Variants in DIS3L2 observed in about 807,000 individuals in gnomAD.
DIS3L2 encodes DIS3 like 3'-5' exoribonuclease 2, also known as DIS3-like exonuclease 2.
Under a neutral mutation model 97.5 loss-of-function variants are expected in DIS3L2, and 34 were observed. That is an observed-to-expected ratio of 0.35 (90% CI 0.27 to 0.46). DIS3L2 has a LOEUF of 0.46. Ranked by LOEUF, DIS3L2 falls within the 20% of genes least tolerant of loss-of-function variation. DIS3L2 has a pLI of 1.00. For synonymous variants in DIS3L2, 435 were observed against 445.2 expected (o/e 0.98, Z 0.29); for missense variants, 1,038 against 1,146.0 (o/e 0.91, Z 1.36).
At chr2:232,232,579 A>G (rs1692824386) in intron 10 of DIS3L2, among the ~76,000 whole-genome samples, 1 of 152,178 alleles carries the variant, frequency 6.6e-6, no homozygotes, top group African/African-American at 2.4e-5. Flanking sequence ...TTAGGCAAGC[A>G]TGGGTATCAC....
chr2:232,103,715 T>C (rs1456363318), intron 6 of DIS3L2, among the ~76,000 whole-genome samples: 1 of 152,194 alleles, frequency 6.6e-6, no homozygotes, highest in Non-Finnish European at 1.5e-5. Context: ...TTGGAATAGT[T>C]ACAATAGCGT....
chr2:232,166,451 G>A (rs568693076), intron 9 of DIS3L2, among the ~76,000 whole-genome samples: 10 of 152,218 alleles, frequency 6.6e-5, no homozygotes, highest in South Asian at 4.1e-4. Context: ...TGGGCCGGGC[G>A]CCGTGGCTCA....
intron 1 of DIS3L2, among the ~76,000 whole-genome samples, chr2:231,979,682 A>G (rs998853385): frequency 3.3e-5 from 5 of 151,694 alleles, no homozygotes; most frequent in Non-Finnish European, 7.4e-5. Flanking sequence ...GGTTCAAGCG[A>G]TTCTCCTGCC....
At chr2:232,329,785 T>TGCCGGGGGGAG in intron 14 of DIS3L2, 28 bp from the exon 15 acceptor site, 1 of 967,144 alleles carries the variant, frequency 1.0e-6, no homozygotes, top group Non-Finnish European at 1.5e-6. Context: ...ACCCCAGCGG[T>TGCCGGGGGGAG]CCCTCCCATC....
downstream of DIS3L2, chr2:232,339,751 A>G (rs1454855776): frequency 6.6e-6 from 3 of 455,554 alleles, no homozygotes; most frequent in Admixed American, 7.1e-5. Context: ...GGGCCTGCCC[A>G]GCAGTGCCTT....
chr2:232,250,677 AAAGT>A (rs1247214799), intron 12 of DIS3L2, among the ~76,000 whole-genome samples: 1 of 152,178 alleles, frequency 6.6e-6, no homozygotes, highest in Non-Finnish European at 1.5e-5. Flanking sequence ...TAGACAGGGT[AAAGT>A]AAGAGGTGTC....
chr2:232,014,685 G>GT, intron 1 of DIS3L2, 150 bp from the exon 2 acceptor site: 1 of 420,204 alleles, frequency 2.4e-6, no homozygotes, highest in Non-Finnish European at 4.2e-6. Flanking sequence ...GAGACAGATG[G>GT]TGTGCTTGAC....
downstream of DIS3L2, among the ~76,000 whole-genome samples, chr2:232,340,519 C>G (rs2106360951): frequency 6.6e-6 from 1 of 152,276 alleles, no homozygotes; most frequent in African/African-American, 2.4e-5. Flanking sequence ...AATGAACGGT[C>G]TCTGGGCCAG....
chr2:232,194,159 C>A (rs1376786937), intron 9 of DIS3L2, among the ~76,000 whole-genome samples: 2 of 151,900 alleles, frequency 1.3e-5, no homozygotes, highest in African/African-American at 4.8e-5. Flanking sequence ...TATTTGTTAT[C>A]TCTACTATAT....
chr2:232,022,181 C>T (rs949949085), intron 3 of DIS3L2, among the ~76,000 whole-genome samples: 1 of 152,140 alleles, frequency 6.6e-6, no homozygotes, highest in Non-Finnish European at 1.5e-5. Context: ...TGGTCTGCTG[C>T]GGAGCTCTGT....
chr2:231,989,690 G>A (rs765119936), intron 1 of DIS3L2, among the ~76,000 whole-genome samples: 73 of 152,186 alleles, frequency 4.8e-4, no homozygotes, highest in Admixed American at 2.6e-3. Flanking sequence ...GAAAAAATTA[G>A]TGGGGTGTGG....
chr2:232,221,880 A>G (rs563043374), intron 10 of DIS3L2, among the ~76,000 whole-genome samples: 1 of 152,270 alleles, frequency 6.6e-6, no homozygotes, highest in East Asian at 1.9e-4. Context: ...TGACATCTTC[A>G]TGATGCCCAG....
chr2:232,248,341 G>GT (rs1214720432), intron 11 of DIS3L2, among the ~76,000 whole-genome samples: 1 of 152,182 alleles, frequency 6.6e-6, no homozygotes, highest in Admixed American at 6.5e-5. Flanking sequence ...TAAATGGCTA[G>GT]TACTGCTGAT....
chr2:232,008,135 C>G (rs1694102205), intron 1 of DIS3L2, among the ~76,000 whole-genome samples: 1 of 151,780 alleles, frequency 6.6e-6, no homozygotes, highest in Non-Finnish European at 1.5e-5. Context: ...ACCTCAGCCA[C>G]CAGAGTAGCT....
intron 5 of DIS3L2, among the ~76,000 whole-genome samples, chr2:232,083,141 A>G (rs1220662836): frequency 2.6e-5 from 4 of 152,058 alleles, no homozygotes; most frequent in Non-Finnish European, 4.4e-5. Flanking sequence ...CTACAAGTCA[A>G]GATGAGATTT....
intron 8 of DIS3L2, among the ~76,000 whole-genome samples, chr2:232,142,142 C>G (rs1005108206): frequency 2.0e-5 from 3 of 152,106 alleles, no homozygotes; most frequent in Non-Finnish European, 2.9e-5. Context: ...ATTACCAGAT[C>G]TATAGAGTTT....
At chr2:232,172,705 T>G (rs754795639) in intron 9 of DIS3L2, 1 of 534,686 alleles carries the variant, frequency 1.9e-6, no homozygotes, top group Non-Finnish European at 3.8e-6. Context: ...ATTGTGAAAC[T>G]GTTTTTCAAA....
At chr2:232,225,799 G>T (rs943429421) in intron 10 of DIS3L2, among the ~76,000 whole-genome samples, 4 of 152,264 alleles carry the variant, frequency 2.6e-5, no homozygotes, top group Middle Eastern at 3.4e-3. Context: ...TGCAGCCAAT[G>T]AATGGATAAT....
intron 1 of DIS3L2, among the ~76,000 whole-genome samples, chr2:232,012,431 C>T (rs1039614142): frequency 1.3e-5 from 2 of 151,676 alleles, no homozygotes; most frequent in African/African-American, 4.8e-5. Context: ...GGCAGTAACT[C>T]CCCTTCATTT....
Sources: gnomAD v4.1 joint callset for allele counts (sites outside exome capture counted in the v4.1 genomes callset) on GRCh38, gnomAD v4.1.1 for gene constraint, MANE v1.5 for transcripts, NCBI Gene and HGNC (gene_info 2026-07-23, HGNC 2026-07-21) for gene names.